Variants in RGS3 observed in about 807,000 individuals in gnomAD.
RGS3 encodes the protein regulator of G-protein signalling 3.
In RGS3, 80 loss-of-function variants were observed where a neutral mutation model predicts 132.6. The ratio of observed to expected loss-of-function variants is 0.60; its 90% CI spans 0.50 to 0.73. RGS3 has a LOEUF of 0.73. Among genes scored for constraint, RGS3 ranks in the 30% least tolerant of loss-of-function variants. The pLI is 0.00. For synonymous variants in RGS3, 598 were observed against 620.6 expected (o/e 0.96, Z 0.54); for missense variants, 1,382 against 1,530.8 (o/e 0.90, Z 1.62).
At chr9:113,520,321 C>T (rs1408376909) in intron 16 of RGS3, among the ~76,000 whole-genome samples, 1 of 152,270 alleles carries the variant, frequency 6.6e-6, no homozygotes, top group Non-Finnish European at 1.5e-5. Flanking sequence ...CCCCTCTGCT[C>T]TGCCTCCAGC....
intron 19 of RGS3, among the ~76,000 whole-genome samples, chr9:113,568,652 C>T (rs884899): frequency 0.12 from 18,183 of 152,206 alleles, 1,314 homozygotes; most frequent in African/African-American, 0.19. Context: ...CAGCCCAAGC[C>T]GAAGCTGGGA....
intron 11 of RGS3, 40 bp downstream of exon 9, chr9:113,505,563 C>T (rs1322167309): frequency 2.6e-6 from 4 of 1,523,434 alleles, no homozygotes; most frequent in Non-Finnish European, 2.7e-6. Flanking sequence ...CACTTGCCCA[C>T]CACACATGTG....
intron 10 of RGS3, among the ~76,000 whole-genome samples, chr9:113,502,586 G>C (rs959498891): frequency 6.6e-6 from 1 of 152,210 alleles, no homozygotes; most frequent in African/African-American, 2.4e-5. Flanking sequence ...CAGCCCCTGC[G>C]ACACTAGCGT....
chr9:113,471,855 T>C (rs1564457245), intron 3 of RGS3, among the ~76,000 whole-genome samples: 1 of 152,190 alleles, frequency 6.6e-6, no homozygotes, highest in Admixed American at 6.5e-5. Flanking sequence ...GTAGGATTGC[T>C]TGAGCTTCCT....
At position 113,591,323 on chromosome 9, in the gene RGS3, C is replaced by G. The variant is rs201624555; in HGVS notation, c.3016-10C>G. The stretch of plus-strand genomic sequence containing the variant: ...GCCCAGACTGCATCGTGTCTGTCTT[C>G]TCTCCGCAGATGAGCGGGGCTGACA... On this transcript the variant is annotated splice_polypyrimidine_tract_variant and intron_variant, in intron 20 of 24. Transcript: ENST00000350696. The surrounding 1 kb of genome is among the most constrained non-coding windows in gnomAD (Gnocchi z 4.4). The G allele has an allele frequency of 3.7e-6, 6 of 1,613,142 alleles. No individual in the cohort carries two copies. The highest frequency in any genetic ancestry group is 5.1e-6 in the Non-Finnish European group (6 of 1,179,604).
chr9:113,505,379 G>T, intron 10 of RGS3, 63 bp from the exon 9 acceptor site: 1 of 1,494,166 alleles, frequency 6.7e-7, no homozygotes, highest in South Asian at 1.1e-5. Flanking sequence ...TGGGCTTCCT[G>T]ACCTTGGGGT....
chr9:113,550,813 T>C (rs539832402), intron 19 of RGS3, among the ~76,000 whole-genome samples: 1 of 152,300 alleles, frequency 6.6e-6, no homozygotes, highest in East Asian at 1.9e-4. Flanking sequence ...CATTTTTCTA[T>C]TGGGATTTTT....
intron 10 of RGS3, among the ~76,000 whole-genome samples, chr9:113,500,851 C>G (rs1830856182): frequency 6.6e-6 from 1 of 152,000 alleles, no homozygotes; most frequent in South Asian, 2.1e-4. Flanking sequence ...CCACGCCCAG[C>G]TAATTTTTGT....
chr9:113,580,720 C>T (rs1311198220), intron 19 of RGS3: 1 of 871,890 alleles, frequency 1.1e-6, no homozygotes, highest in Middle Eastern at 5.9e-4. Context: ...CTGAGTGGCA[C>T]TTCCCCTCCT....
In RGS3 at chr9:113,583,513, GCCGAGGATTC is replaced by G; in HGVS notation, c.2104_2113del (p.Glu702HisfsTer130). 2 of 1,614,228 alleles carry G rather than the reference GCCGAGGATTC, an allele frequency of 1.2e-6. No homozygotes were observed. The highest frequency in any genetic ancestry group is 1.7e-6 in the Non-Finnish European group (2 of 1,180,032). On this transcript the variant is annotated frameshift_variant, in exon 20 of 25. Transcript: ENST00000350696. LOFTEE classifies it high-confidence loss of function. ...CTTGGAGGAAGGGAAGGGGCCTGGTGCCGAGGATTCCCCACCCAGCAAGGAGCCCTCTCCT... is the reference window on the plus strand; with the variant it reads ...CTTGGAGGAAGGGAAGGGGCCTGGTGCCCACCCAGCAAGGAGCCCTCTCCT...
Position 113,519,466 on chromosome 9 carries a change from C to T in RGS3, c.1758+1842C>T, listed in dbSNP as rs561301546. Among the ~76,000 whole-genome samples the T allele has an allele frequency of 4.3e-5, 6 of 140,222 alleles. No individual in the cohort carries two copies. In the East Asian group the frequency reaches 1.0e-3, roughly 24 times the overall value. The allele number at this position is 140,222 out of a possible 152,430, so 92.0% of individuals were successfully genotyped here. On this transcript the variant is annotated intron_variant, in intron 16 of 24. Transcript: ENST00000350696. ...ATTCCTTTTTGTTGAAGTATGATGG[C>T]AACCAAACATGTAGATCTGGGCATC...
rs1209949434 is a variant in RGS3 at position 113,507,734 on chromosome 9, T to TGAGG, written c.1437+98_1437+101dup. 2 of 1,030,712 alleles carry TGAGG rather than the reference T, an allele frequency of 1.9e-6. No individual in the cohort carries two copies. Among genetic ancestry groups the TGAGG allele is most frequent in the African/African-American group, 3.2e-5 (2 of 62,098 alleles). The allele number at this position is 1,030,712 out of a possible 1,614,324, so 63.8% of individuals were successfully genotyped here. A position where few individuals can be genotyped will look rare whatever the true frequency, so the allele number is the denominator to read the frequency against. ...CCAAAGTTGTGTGATGAGCAGCCTG[T>TGAGG]GAGGGGCTGCGATGTTGGGCAAGGA... On this transcript the variant is annotated intron_variant, in intron 13 of 24. Transcript: ENST00000350696. This position sits in a 1 kb window ranked among gnomAD's most constrained non-coding sequence, Gnocchi z 5.0.
intron 17 of RGS3, among the ~76,000 whole-genome samples, chr9:113,524,563 C>T (rs1404072426): frequency 6.6e-6 from 1 of 152,156 alleles, no homozygotes; most frequent in East Asian, 1.9e-4. Flanking sequence ...GTGGAGGTTG[C>T]GGGGAGAAGG....
upstream of RGS3, among the ~76,000 whole-genome samples, chr9:113,457,598 A>G (rs971199178): frequency 7.9e-5 from 12 of 152,222 alleles, no homozygotes; most frequent in Non-Finnish European, 1.6e-4. Flanking sequence ...CACTTTGAGC[A>G]AGAGGACTGC....
intron 3 of RGS3, 179 bp from the exon 2 acceptor site, chr9:113,479,312 G>A (rs1042686622): frequency 1.5e-5 from 10 of 680,092 alleles, no homozygotes; most frequent in Non-Finnish European, 2.4e-5. Context: ...AGGGACTCCC[G>A]ATGTGGTGGG....
At chr9:113,502,527 C>G (rs959859139) in intron 10 of RGS3, among the ~76,000 whole-genome samples, 1 of 152,236 alleles carries the variant, frequency 6.6e-6, no homozygotes, top group African/African-American at 2.4e-5. Flanking sequence ...TCAGGTTCTG[C>G]CCTTCAGGCC....
At chr9:113,496,307 G>A (rs1462658593) in intron 8 of RGS3, among the ~76,000 whole-genome samples, 3 of 152,180 alleles carry the variant, frequency 2.0e-5, no homozygotes, top group African/African-American at 7.2e-5. Context: ...TTTCCTTCAG[G>A]CTGGAGGAGG....
intron 15 of RGS3, among the ~76,000 whole-genome samples, chr9:113,515,959 G>A (rs1831638168): frequency 6.6e-6 from 1 of 152,188 alleles, no homozygotes; most frequent in Admixed American, 6.5e-5. Context: ...CCTTGCGCAT[G>A]GATTGCCTCT....
At chr9:113,519,705 A>G (rs1831845648) in intron 16 of RGS3, among the ~76,000 whole-genome samples, 1 of 151,982 alleles carries the variant, frequency 6.6e-6, no homozygotes, top group African/African-American at 2.4e-5. Context: ...GGAAGGGCTA[A>G]ATTGTAGAGC....
Sources: allele counts gnomAD v4.1 joint callset (sites outside exome capture counted in the v4.1 genomes callset), GRCh38; gene constraint gnomAD v4.1.1; non-coding constraint Gnocchi (gnomAD v3.1); transcripts MANE v1.5; gene names NCBI Gene and HGNC (gene_info 2026-07-23, HGNC 2026-07-21).